The following LHFPL3 variants were observed in gnomAD, a reference collection of about 807,000 sequenced individuals.
The protein encoded by LHFPL3 is LHFPL tetraspan subfamily member 3 protein.
Under a neutral mutation model 19.3 loss-of-function variants are expected in LHFPL3, and 5 were observed. That is an observed-to-expected ratio of 0.26 (90% CI 0.14 to 0.54). The LOEUF is 0.54. Ranked by LOEUF, LHFPL3 falls within the 20% of genes least tolerant of loss-of-function variation. The probability of loss-of-function intolerance (pLI) is 0.94; values close to 1 mark genes in which losing one functional copy is unlikely to be tolerated. For synonymous variants in LHFPL3, 133 were observed against 126.2 expected, an observed-to-expected ratio of 1.05 and a Z score of -0.36; for missense variants, 249 against 307.4, an observed-to-expected ratio of 0.81 and a Z score of 1.42.
intron 1 of LHFPL3, among the ~76,000 whole-genome samples, chr7:104,620,670 C>CCG (rs397804026): frequency 1.3e-5 from 2 of 152,140 alleles, no homozygotes; most frequent in African/African-American, 2.4e-5. Flanking sequence ...CTTTTCCCCC[C>CCG]AGTGATTTCC....
intron 1 of LHFPL3, among the ~76,000 whole-genome samples, chr7:104,639,085 GA>G (rs754269078): frequency 1.4e-4 from 21 of 152,094 alleles, no homozygotes; most frequent in South Asian, 1.2e-3. Context: ...TATGCTGCTG[GA>G]TTTGGTTTGC....
In LHFPL3 at chr7:104,461,211, A is replaced by C. The variant is rs118053936; in HGVS notation, c.445+131987A>C. ...GGGAAGCCCCGTATAAAACCATCAGATCTCCTGAGAACTCACTATTACGAG... is the reference window on the plus strand; with the variant it reads ...GGGAAGCCCCGTATAAAACCATCAGCTCTCCTGAGAACTCACTATTACGAG... On this transcript the variant is annotated intron_variant, in intron 1 of 2. Transcript: ENST00000424859. Among the ~76,000 whole-genome samples, 833 of 152,274 alleles carry C rather than the reference A, an allele frequency of 5.5e-3. 50 individuals are homozygous for C. The East Asian group carries it at 0.13, about 24-fold the overall frequency.
At chr7:104,608,369 C>T (rs1481209620) in intron 1 of LHFPL3, among the ~76,000 whole-genome samples, 1 of 151,486 alleles carries the variant, frequency 6.6e-6, no homozygotes, top group Non-Finnish European at 1.5e-5. Context: ...AATTGGAAAT[C>T]ATCATTCTCA....
At chr7:104,548,732 C>T (rs1475471045) in intron 1 of LHFPL3, among the ~76,000 whole-genome samples, 1 of 152,150 alleles carries the variant, frequency 6.6e-6, no homozygotes, top group Non-Finnish European at 1.5e-5. Flanking sequence ...ACTTACCTCC[C>T]CTTTCTGTAT....
At chr7:104,613,280 T>A (rs1791244346) in intron 1 of LHFPL3, among the ~76,000 whole-genome samples, 1 of 152,176 alleles carries the variant, frequency 6.6e-6, no homozygotes, top group South Asian at 2.1e-4. Flanking sequence ...TAAAGCTCAA[T>A]GCCCAGGTGG....
intron 2 of LHFPL3, among the ~76,000 whole-genome samples, chr7:104,887,129 A>C (rs1482388967): frequency 6.6e-6 from 1 of 152,240 alleles, no homozygotes; most frequent in Non-Finnish European, 1.5e-5. Flanking sequence ...TTTCCCACAA[A>C]GATGGGCACT....
intron 1 of LHFPL3, among the ~76,000 whole-genome samples, chr7:104,555,971 C>T (rs907731637): frequency 8.5e-5 from 13 of 152,226 alleles, no homozygotes; most frequent in Admixed American, 6.5e-5. Flanking sequence ...TCTTAAAGCT[C>T]CAAAATGATC....
At position 104,380,091 on chromosome 7, in the gene LHFPL3, A is replaced by G. The variant is rs560331427; in HGVS notation, c.445+50867A>G. On this transcript the variant is annotated intron_variant, in intron 1 of 2. Coordinates refer to ENST00000424859, the MANE Select transcript of LHFPL3 (RefSeq NM_199000.3). ...CTAAAATCAAACTGTTTGTCTTTCT[A>G]TTATGACTCCATTACTTACTGCTAT... 3.9e-5 allele frequency among the ~76,000 whole-genome samples: 6 copies of G among 152,190 alleles called. No homozygotes were observed. In the South Asian group the frequency reaches 6.2e-4, roughly 16 times the overall value.
At chr7:104,522,972 C>A (rs73713275) in intron 1 of LHFPL3, among the ~76,000 whole-genome samples, 1 of 150,586 alleles carries the variant, frequency 6.6e-6, no homozygotes, top group Non-Finnish European at 1.5e-5. Flanking sequence ...CTATATATAT[C>A]TGTGTGTGTG....
rs533552752 is a variant in LHFPL3, at chr7:104,864,148, C to T, written c.683-42039C>T. 3.9e-5 allele frequency among the ~76,000 whole-genome samples: 6 copies of T among 152,272 alleles called. 1 individual carries two copies. In the South Asian group the frequency reaches 6.2e-4, roughly 16 times the overall value. On this transcript the variant is annotated intron_variant, in intron 2 of 2. Coordinates refer to ENST00000424859, the MANE Select transcript of LHFPL3 (RefSeq NM_199000.3). ...TTCTGTACAAGGGAGCCAAGATGGC[C>T]GAATAGGAATAGCTCCAGTCTACAG...
chr7:104,717,826 C>T (rs576748202), intron 1 of LHFPL3, among the ~76,000 whole-genome samples: 66 of 152,154 alleles, frequency 4.3e-4, no homozygotes, highest in Non-Finnish European at 6.3e-4. Flanking sequence ...GAATTGAAAT[C>T]AGGGTCTCAA....
At chr7:104,807,011 A>ATGTGTGTGTGTGTGTGTGTGTGTG (rs10665231) in intron 2 of LHFPL3, among the ~76,000 whole-genome samples, 1 of 139,672 alleles carries the variant, frequency 7.2e-6, no homozygotes, top group Non-Finnish European at 1.5e-5. Flanking sequence ...CAAAATATAT[A>ATGTGTGTGTGTGTGTGTGTGTGTG]TGTGTGTGTG....
chr7:104,350,761 C>T (rs572884103), intron 1 of LHFPL3, among the ~76,000 whole-genome samples: 21 of 152,204 alleles, frequency 1.4e-4, no homozygotes, highest in African/African-American at 4.3e-4. Flanking sequence ...TCTCTTTGGC[C>T]GAGCACAATG....
chr7:104,599,446 A>T (rs1283851037), intron 1 of LHFPL3, among the ~76,000 whole-genome samples: 1 of 152,210 alleles, frequency 6.6e-6, no homozygotes, highest in Non-Finnish European at 1.5e-5. Context: ...AGTGATGTCA[A>T]ATGGTCCTCG....
chr7:104,450,686 A>G (rs985776663), intron 1 of LHFPL3, among the ~76,000 whole-genome samples: 1 of 152,144 alleles, frequency 6.6e-6, no homozygotes, highest in African/African-American at 2.4e-5. Context: ...ACAAACCTGC[A>G]CCTTCTGCAC....
At chr7:104,335,006 C>T (rs1789765434) in intron 1 of LHFPL3, among the ~76,000 whole-genome samples, 1 of 152,168 alleles carries the variant, frequency 6.6e-6, no homozygotes, top group African/African-American at 2.4e-5. Context: ...TCTTACTGGG[C>T]ATCAGTGCAG....
At chr7:104,357,778 CTCCTG>C (rs1790310448) in intron 1 of LHFPL3, among the ~76,000 whole-genome samples, 1 of 151,226 alleles carries the variant, frequency 6.6e-6, no homozygotes, top group African/African-American at 2.5e-5. Context: ...CCTCCTCCTT[CTCCTG>C]CTCCTCCTTC....
At chr7:104,389,081 A>G (rs777094979) in intron 1 of LHFPL3, among the ~76,000 whole-genome samples, 2 of 152,162 alleles carry the variant, frequency 1.3e-5, no homozygotes, top group East Asian at 3.9e-4. Context: ...AAGTAAAACT[A>G]TCTGTTTGCA....
chr7:104,563,169 A>G (rs1790045111), intron 1 of LHFPL3, among the ~76,000 whole-genome samples: 1 of 152,272 alleles, frequency 6.6e-6, no homozygotes, highest in African/African-American at 2.4e-5. Context: ...GGTGGAGCCT[A>G]CAGAGGCAGG....
Sources: allele counts gnomAD v4.1 joint callset (sites outside exome capture counted in the v4.1 genomes callset), GRCh38; gene constraint gnomAD v4.1.1; transcripts MANE v1.5; gene names NCBI Gene and HGNC (gene_info 2026-07-23, HGNC 2026-07-21).